The following DLG2 variants were observed in gnomAD, a reference collection of about 807,000 sequenced individuals.
DLG2 encodes discs large MAGUK scaffold protein 2.
DLG2 carries 45 observed loss-of-function variants against 132.5 expected under a neutral mutation model. That is an observed-to-expected ratio of 0.34 (90% CI 0.27 to 0.44). The LOEUF (loss-of-function observed/expected upper bound fraction) is 0.44, where lower values mean the gene tolerates loss of function less well. Ranked by LOEUF, DLG2 falls within the 20% of genes least tolerant of loss-of-function variation. DLG2 has a pLI of 1.00. For missense variants in DLG2, 1,045 were observed against 1,196.9 expected (o/e 0.87, Z 1.87); for synonymous variants, 424 against 419.6 (o/e 1.01, Z -0.13).
Position 84,338,013 on chromosome 11 carries a change from T to C in DLG2, c.520-86722A>G, listed in dbSNP as rs140780293. Among the ~76,000 whole-genome samples, 587 of 152,204 alleles carry C rather than the reference T, an allele frequency of 3.9e-3. 3 individuals are homozygous for C. Among genetic ancestry groups the C allele is most frequent in the Non-Finnish European group, 6.1e-3 (418 of 67,998 alleles). ...AACTTTATTAAGACACTTGGAAATATGAAAATATAAAACTCATTGAAAGTA... is the reference window on the plus strand; with the variant it reads ...AACTTTATTAAGACACTTGGAAATACGAAAATATAAAACTCATTGAAAGTA... On this transcript the variant is annotated intron_variant, in intron 7 of 27. Coordinates refer to ENST00000376104, the MANE Select transcript of DLG2 (RefSeq NM_001142699.3).
At position 85,400,041 on chromosome 11, in the gene DLG2, G is replaced by T. The variant is rs286032; in HGVS notation, c.41-114676C>A. Among the ~76,000 whole-genome samples, 64 of 151,620 alleles carry T rather than the reference G, an allele frequency of 4.2e-4. No individual in the cohort carries two copies. The East Asian group carries it at 4.5e-3, about 11-fold the overall frequency. ...TTTCACATCCTACTCATCTGACAAA[G>T]GGCTAATATCCAGAATCTACAAAGA... is the stretch of plus-strand genomic sequence containing the variant. On this transcript the variant is annotated intron_variant, in intron 3 of 27. Transcript: ENST00000376104.
intron 5 of DLG2, among the ~76,000 whole-genome samples, chr11:85,151,350 C>T (rs900291519): frequency 3.3e-5 from 5 of 149,858 alleles, no homozygotes; most frequent in African/African-American, 9.8e-5. Flanking sequence ...CTTTGATGTA[C>T]AGAAGTCTTT....
At chr11:84,996,667 G>A (rs2057680374) in intron 6 of DLG2, among the ~76,000 whole-genome samples, 1 of 152,086 alleles carries the variant, frequency 6.6e-6, no homozygotes, top group Non-Finnish European at 1.5e-5. Context: ...ATGTGGGGTA[G>A]TTTTTTTGGC....
At chr11:85,485,116 A>G (rs2093398225) in intron 3 of DLG2, among the ~76,000 whole-genome samples, 1 of 151,292 alleles carries the variant, frequency 6.6e-6, no homozygotes, top group Non-Finnish European at 1.5e-5. Flanking sequence ...AAAACCAAAC[A>G]CTGCATGTTC....
intron 8 of DLG2, among the ~76,000 whole-genome samples, chr11:84,231,073 T>C (rs978221525): frequency 2.0e-5 from 3 of 152,204 alleles, no homozygotes; most frequent in African/African-American, 7.2e-5. Context: ...AGACACGGGA[T>C]TGTCTTCAAC....
At chr11:83,639,340 C>G (rs1301175571) in intron 18 of DLG2, among the ~76,000 whole-genome samples, 1 of 152,098 alleles carries the variant, frequency 6.6e-6, no homozygotes, top group Admixed American at 6.5e-5. Flanking sequence ...GCATAGTATT[C>G]CATGGTGTAT....
intron 11 of DLG2, among the ~76,000 whole-genome samples, chr11:83,985,242 C>A (rs891221507): frequency 1.3e-5 from 2 of 152,086 alleles, no homozygotes; most frequent in African/African-American, 4.8e-5. Flanking sequence ...GTCCCCCATC[C>A]CTGTTATTAA....
chr11:84,545,036 C>T, intron 6 of DLG2: 1 of 446,372 alleles, frequency 2.2e-6, no homozygotes, highest in South Asian at 1.6e-5. Flanking sequence ...TAGGTGCTGC[C>T]ACCACTGTGC....
intron 3 of DLG2, among the ~76,000 whole-genome samples, chr11:85,519,369 A>C (rs559291355): frequency 6.6e-6 from 1 of 152,200 alleles, no homozygotes; most frequent in Non-Finnish European, 1.5e-5. Context: ...GATGTGAGAC[A>C]TGGAGTCAAA....
intron 3 of DLG2, among the ~76,000 whole-genome samples, chr11:85,560,934 AG>A (rs1488026702): frequency 1.3e-5 from 2 of 151,572 alleles, no homozygotes; most frequent in African/African-American, 4.8e-5. Flanking sequence ...CAGGGAGTTG[AG>A]GTGGGAGGAT....
chr11:84,502,103 ACT>A (rs1317062028), intron 7 of DLG2, among the ~76,000 whole-genome samples: 2 of 63,144 alleles, frequency 3.2e-5, no homozygotes, highest in Non-Finnish European at 6.8e-5. Context: ...TTTCTTTCTC[ACT>A]CTCTCTGTCT....
intron 7 of DLG2, among the ~76,000 whole-genome samples, chr11:84,435,010 T>G (rs530125934): frequency 1.5e-3 from 224 of 150,942 alleles, no homozygotes; most frequent in South Asian, 2.1e-3. Flanking sequence ...TCTCCCCAAA[T>G]GCTAAAATAT....
chr11:83,731,551 G>C (rs1051254813), intron 18 of DLG2, among the ~76,000 whole-genome samples: 1 of 152,114 alleles, frequency 6.6e-6, no homozygotes, highest in Non-Finnish European at 1.5e-5. Context: ...TAGGCATCTG[G>C]GTTGGTCCCA....
chr11:84,090,623 C>A (rs1328643594), intron 10 of DLG2, among the ~76,000 whole-genome samples: 1 of 152,122 alleles, frequency 6.6e-6, no homozygotes, highest in East Asian at 1.9e-4. Context: ...ACATGCAACA[C>A]TGACAACATA....
intron 7 of DLG2, among the ~76,000 whole-genome samples, chr11:84,534,057 A>G (rs2099349682): frequency 6.6e-6 from 1 of 152,182 alleles, no homozygotes; most frequent in Non-Finnish European, 1.5e-5. Context: ...TAAAAAGTAG[A>G]AAGTGTTGGG....
chr11:85,077,443 T>C (rs2066691554), intron 6 of DLG2, among the ~76,000 whole-genome samples: 1 of 152,132 alleles, frequency 6.6e-6, no homozygotes. Flanking sequence ...TGTTTGGCAA[T>C]AAAATTTCCA....
At chr11:84,795,337 C>A (rs1475366715) in intron 6 of DLG2, among the ~76,000 whole-genome samples, 1 of 152,114 alleles carries the variant, frequency 6.6e-6, no homozygotes, top group Non-Finnish European at 1.5e-5. Context: ...GGACAACCTA[C>A]CTGCGGACAG....
At chr11:84,940,564 A>G (rs895334013) in intron 6 of DLG2, among the ~76,000 whole-genome samples, 1 of 152,170 alleles carries the variant, frequency 6.6e-6, no homozygotes, top group Admixed American at 6.5e-5. Context: ...CCATTTTTCA[A>G]TTGAATTCTT....
At chr11:83,646,129 TATAGCAGAA>T (rs1164985359) in intron 18 of DLG2, among the ~76,000 whole-genome samples, 1 of 152,160 alleles carries the variant, frequency 6.6e-6, no homozygotes, top group Non-Finnish European at 1.5e-5. Flanking sequence ...AGTGGAGAAC[TATAGCAGAA>T]ACAGCAGGTT....
Sources: gnomAD v4.1 joint callset for allele counts (sites outside exome capture counted in the v4.1 genomes callset) on GRCh38, gnomAD v4.1.1 for gene constraint, MANE v1.5 for transcripts, NCBI Gene and HGNC (gene_info 2026-07-23, HGNC 2026-07-21) for gene names.